Variants in DPP8 observed in about 807,000 individuals in gnomAD.
DPP8 encodes the protein DPP VIII.
In DPP8, 31 loss-of-function variants were observed where a neutral mutation model predicts 107.5. The observed-to-expected ratio is 0.29, with a 90% CI of 0.22 to 0.39. The LOEUF is 0.39. Among genes scored for constraint, DPP8 ranks in the 10% least tolerant of loss-of-function variants. The pLI is 1.00. For synonymous variants in DPP8, 381 were observed against 356.6 expected (o/e 1.07, Z -0.77); for missense variants, 842 against 1,076.1 (o/e 0.78, Z 3.04).
At chr15:65,466,971 A>T in intron 13 of DPP8, 100 bp downstream of exon 13, 1 of 1,490,230 alleles carries the variant, frequency 6.7e-7, no homozygotes, top group Admixed American at 2.0e-5. Flanking sequence ...TCCTTAGAGA[A>T]TTAGGCTTTT....
At chr15:65,477,701 T>C (rs1289065054) in intron 11 of DPP8, among the ~76,000 whole-genome samples, 2 of 151,696 alleles carry the variant, frequency 1.3e-5, no homozygotes, top group African/African-American at 4.8e-5. Context: ...GGCTAATTTT[T>C]TTTTGTATTT....
intron 11 of DPP8, chr15:65,475,392 C>T (rs1337733614): frequency 6.5e-7 from 1 of 1,545,456 alleles, no homozygotes; most frequent in Non-Finnish European, 8.9e-7. Context: ...CTCTTGGCCA[C>T]TGTGAGGGGT....
chr15:65,513,369 C>T (rs2071047819), intron 1 of DPP8, among the ~76,000 whole-genome samples: 1 of 152,186 alleles, frequency 6.6e-6, no homozygotes, highest in East Asian at 1.9e-4. Flanking sequence ...TGCACCACAA[C>T]GCCCGGCTAA....
chr15:65,474,428 G>C, intron 11 of DPP8, 140 bp from the exon 12 acceptor site: 1 of 633,868 alleles, frequency 1.6e-6, no homozygotes, highest in Non-Finnish European at 2.8e-6. Flanking sequence ...AGACAGAGAT[G>C]ATGGTTGCAC....
At chr15:65,469,788 A>G (rs2065696731) in intron 12 of DPP8, among the ~76,000 whole-genome samples, 1 of 151,950 alleles carries the variant, frequency 6.6e-6, no homozygotes, top group Non-Finnish European at 1.5e-5. Flanking sequence ...GTGGGCCGAG[A>G]TCGTACCACT....
intron 19 of DPP8, among the ~76,000 whole-genome samples, chr15:65,448,872 A>ATGTGTGTGTGTG (rs1422546535): frequency 3.6e-4 from 3 of 8,356 alleles, no homozygotes; most frequent in African/African-American, 1.4e-3. Context: ...TAAAATATAT[A>ATGTGTGTGTGTG]TATATATATA....
chr15:65,448,868 A>ATATATATATGTGTGTGTG (rs2063714145), intron 19 of DPP8, among the ~76,000 whole-genome samples: 5 of 5,624 alleles, frequency 8.9e-4, no homozygotes, highest in African/African-American at 3.1e-3. Context: ...TATCTAAAAT[A>ATATATATATGTGTGTGTG]TATATATATA....
intron 5 of DPP8, among the ~76,000 whole-genome samples, chr15:65,495,872 ACT>A (rs1310324064): frequency 2.0e-5 from 3 of 152,108 alleles, no homozygotes; most frequent in African/African-American, 7.2e-5. Context: ...ACACAGTAAG[ACT>A]CTGTCTCAAA....
chr15:65,452,994 T>C (rs1197194038), intron 17 of DPP8, among the ~76,000 whole-genome samples: 1 of 152,022 alleles, frequency 6.6e-6, no homozygotes, highest in Non-Finnish European at 1.5e-5. Flanking sequence ...AATAAAATTT[T>C]AAAAAATTAC....
chr15:65,449,410 C>T (rs1448953774), intron 19 of DPP8, among the ~76,000 whole-genome samples: 1 of 151,192 alleles, frequency 6.6e-6, no homozygotes, highest in Middle Eastern at 3.4e-3. Context: ...TAAAATACTC[C>T]TCCCATTTCC....
At chr15:65,470,026 A>C (rs1354729495) in intron 12 of DPP8, among the ~76,000 whole-genome samples, 1 of 150,688 alleles carries the variant, frequency 6.6e-6, no homozygotes, top group African/African-American at 2.4e-5. Flanking sequence ...GCAAAACCCC[A>C]TCTCTGTTAA....
At chr15:65,512,800 C>T (rs971006654) in intron 1 of DPP8, 26 of 501,604 alleles carry the variant, frequency 5.2e-5, no homozygotes, top group Admixed American at 2.2e-4. Flanking sequence ...GCCTATAAAT[C>T]CCTTTGGTAG....
rs146381664 is a variant in DPP8 at position 65,456,329 on chromosome 15, G to T, written c.2014C>A (p.Arg672Ser). 8.1e-6 allele frequency: 13 copies of T among 1,613,890 alleles called. No individual in the cohort carries two copies. The highest frequency in any genetic ancestry group is 1.1e-5 in the Non-Finnish European group (13 of 1,179,934). The change falls in exon 16 of 20, where the codon CGC (arginine) becomes AGC (serine). Residue 672 changes from arginine to serine, a missense_variant. Physicochemically the swap from Arg to Ser is moderately radical, Grantham distance 110 (BLOSUM62 -1). Around this residue, in one of 2 missense-constraint regions of DPP8, gnomAD observed 179 missense variants for 318.0 expected, o/e 0.56. Transcript: ENST00000300141. Reference sequence around the variant, plus strand: ...CCTAGAGAGGCTAGGGTATTCAAGCGGAAATACTTGACTCCTTTAAACCGA... The same window carrying T: ...CCTAGAGAGGCTAGGGTATTCAAGCTGAAATACTTGACTCCTTTAAACCGA... Reference protein sequence around the residue: ...NNRFKGVKYFRLNTLASLGYV... With the variant: ...NNRFKGVKYFSLNTLASLGYV...
intron 5 of DPP8, 80 bp downstream of exon 5, chr15:65,497,784 T>C (rs1420800696): frequency 6.1e-6 from 7 of 1,139,882 alleles, no homozygotes; most frequent in Admixed American, 2.7e-5. Context: ...AACGTGGTAA[T>C]CTAATTTCAA....
intron 3 of DPP8, among the ~76,000 whole-genome samples, chr15:65,502,515 T>C (rs906199042): frequency 1.3e-5 from 2 of 151,834 alleles, no homozygotes; most frequent in Non-Finnish European, 2.9e-5. Context: ...TCGCCTCTAC[T>C]AAAAATACAA....
At chr15:65,472,080 A>G (rs576867065) in intron 12 of DPP8, among the ~76,000 whole-genome samples, 1 of 151,552 alleles carries the variant, frequency 6.6e-6, no homozygotes, top group African/African-American at 2.4e-5. Context: ...CAAAAACGCA[A>G]TTTTTTTTTC....
intron 1 of DPP8, among the ~76,000 whole-genome samples, chr15:65,515,229 A>G (rs1284635969): frequency 6.6e-6 from 1 of 152,200 alleles, no homozygotes; most frequent in Non-Finnish European, 1.5e-5. Context: ...GCGCCTGGCC[A>G]TGCCCAGCTT....
rs1332274148 is a variant in DPP8, at chr15:65,452,032, C to T, written c.2342G>A (p.Gly781Asp). ...GCCCTGTTCATTCTGGTCAGGGTGA[C>T]CCATATAACGTTCCGTGTATCCTGT... ...YDTGYTERYM[G>D]HPDQNEQGYY... is the part of the protein sequence containing the mutation. The change falls in exon 18 of 20, where the codon GGT becomes GAT. Residue 781 changes from glycine to aspartate, a missense_variant. Around this residue, in one of 2 missense-constraint regions of DPP8, gnomAD observed 179 missense variants for 318.0 expected, o/e 0.56. Coordinates refer to ENST00000300141, the MANE Select transcript of DPP8 (RefSeq NM_130434.5). 2 of 1,612,972 alleles carry T rather than the reference C, an allele frequency of 1.2e-6. No homozygotes were observed. The highest frequency in any genetic ancestry group is 1.3e-5 in the African/African-American group (1 of 74,688).
At chr15:65,513,269 G>A (rs1048218810) in intron 1 of DPP8, among the ~76,000 whole-genome samples, 6 of 151,312 alleles carry the variant, frequency 4.0e-5, no homozygotes, top group East Asian at 1.9e-4. Flanking sequence ...ACTGGAGTGC[G>A]GTGGCAAAAT....
Sources: gnomAD v4.1 joint callset for allele counts (sites outside exome capture counted in the v4.1 genomes callset) on GRCh38, gnomAD v4.1.1 for gene constraint, gnomAD v4.1.1 regional missense constraint, MANE v1.5 for transcripts, NCBI Gene and HGNC (gene_info 2026-07-23, HGNC 2026-07-21) for gene names.